The following PLEKHA4 variants were observed in gnomAD, a reference collection of about 807,000 sequenced individuals.
The protein encoded by PLEKHA4 is pleckstrin homology domain containing A4.
Under a neutral mutation model 94.7 loss-of-function variants are expected in PLEKHA4, and 73 were observed. The ratio of observed to expected loss-of-function variants is 0.77; its 90% CI spans 0.64 to 0.94. PLEKHA4 has a LOEUF of 0.94. Ranked by LOEUF, PLEKHA4 falls within the 40% of genes least tolerant of loss-of-function variation. The pLI is 0.00. For missense variants in PLEKHA4, 1,049 were observed against 1,054.1 expected (o/e 1.00, Z 0.07); for synonymous variants, 449 against 437.1 (o/e 1.03, Z -0.34).
intron 16 of PLEKHA4, among the ~76,000 whole-genome samples, chr19:48,844,119 T>TTTTTTA (rs368698787): frequency 9.6e-5 from 13 of 134,880 alleles, no homozygotes; most frequent in African/African-American, 3.1e-4. Flanking sequence ...CCTTATTTAT[T>TTTTTTA]TTATTATTAT....
chr19:48,863,253 GTTTGT>G (rs897936926), intron 3 of PLEKHA4, among the ~76,000 whole-genome samples: 24 of 152,092 alleles, frequency 1.6e-4, no homozygotes, highest in African/African-American at 5.1e-4. Flanking sequence ...TTTTTTGTTT[GTTTGT>G]TTTGTTTTGT....
chr19:48,845,667 T>C, intron 14 of PLEKHA4, 51 bp from the exon 15 acceptor site: 1 of 1,341,004 alleles, frequency 7.5e-7, no homozygotes, highest in Non-Finnish European at 1.0e-6. Flanking sequence ...ATAATTATTA[T>C]TATTACCATG....
intron 3 of PLEKHA4, among the ~76,000 whole-genome samples, chr19:48,863,901 T>G (rs1049158075): frequency 6.6e-6 from 1 of 152,150 alleles, no homozygotes; most frequent in African/African-American, 2.4e-5. Flanking sequence ...AGTTTTGAGT[T>G]TGAAGGTGCA....
rs1315781966 is a variant in PLEKHA4, at chr19:48,854,305, C to T, written c.1048-41G>A. ...AAAGTCAGGGGTCAAAGGGGACAGG[C>T]TGGTCATTCTTGTAACTCAGTGCTG... On this transcript the variant is annotated intron_variant, in intron 9 of 19. Coordinates refer to ENST00000263265, the MANE Select transcript of PLEKHA4 (RefSeq NM_020904.3). 18 of 1,579,972 alleles carry T rather than the reference C, an allele frequency of 1.1e-5. No homozygotes were observed. In the East Asian group the frequency reaches 4.0e-4, roughly 35 times the overall value.
In PLEKHA4 at chr19:48,860,410, T is replaced by C; in HGVS notation, c.416A>G (p.Glu139Gly). 3 of 1,614,080 alleles carry C rather than the reference T, an allele frequency of 1.9e-6. No individual in the cohort carries two copies. The highest frequency in any genetic ancestry group is 1.3e-5 in the African/African-American group (1 of 75,034). The change falls in exon 6 of 20, where the codon GAA becomes GGA. Residue 139 changes from glutamate to glycine, a missense_variant. Coordinates refer to ENST00000263265, the MANE Select transcript of PLEKHA4 (RefSeq NM_020904.3). ...RTYVLAADTLEDLRGWLRALG... is the reference protein window; with the variant it reads ...RTYVLAADTLGDLRGWLRALG... ...CGCCCGTAGCCAGCCCCGCAGGTCTTCTAAGGTGTCAGCGGCCAAAACGTA... is the reference window on the plus strand; with the variant it reads ...CGCCCGTAGCCAGCCCCGCAGGTCTCCTAAGGTGTCAGCGGCCAAAACGTA...
At chr19:48,848,805 A>G (rs1215598937) in intron 13 of PLEKHA4, among the ~76,000 whole-genome samples, 3 of 152,068 alleles carry the variant, frequency 2.0e-5, no homozygotes, top group Non-Finnish European at 2.9e-5. Context: ...TCAAAAAAAA[A>G]AAAAAGAAAA....
Position 48,837,488 on chromosome 19 carries a change from G to T in PLEKHA4, c.2141C>A (p.Thr714Lys). The T allele has an allele frequency of 1.9e-6, 3 of 1,612,912 alleles. No homozygotes were observed. The highest frequency in any genetic ancestry group is 2.5e-6 in the Non-Finnish European group (3 of 1,179,570). ...PGVPLPPSDP[T>K]RQETPPPRSP... ...TCTGGGGGGAGGGGTCTCCTGGCGC[G>T]TGGGGTCCGAAGGAGGCAGCGGCAC... Residue 714 changes from threonine (T) to lysine (K), a missense_variant, in exon 20 of 20, where the codon ACG becomes AAG. By Grantham distance (78) the Thr-to-Lys change is moderately conservative. Transcript: ENST00000263265. The surrounding 1 kb of genome is among the most constrained non-coding windows in gnomAD (Gnocchi z 4.3).
chr19:48,855,375 G>A (rs371693108), intron 9 of PLEKHA4, among the ~76,000 whole-genome samples: 19 of 151,750 alleles, frequency 1.3e-4, no homozygotes, highest in Non-Finnish European at 2.2e-4. Context: ...AGGCCGAGGC[G>A]GGTGGATCAC....
chr19:48,861,429 G>C lies in PLEKHA4; in HGVS notation c.338C>G (p.Ala113Gly), dbSNP rs745901741. Reference sequence around the variant, plus strand: ...GAAGGTGAAGCGCCGCCCTCGGGGGGCTCCCGGCCCATCTGGTCTAATATT... The same window carrying C: ...GAAGGTGAAGCGCCGCCCTCGGGGGCCTCCCGGCCCATCTGGTCTAATATT... ...SYNIRPDGPGAPRGRRFTFTA... is the reference protein window; with the variant it reads ...SYNIRPDGPGGPRGRRFTFTA... Residue 113 changes from alanine to glycine, a missense_variant, in exon 5 of 20, where the codon GCC becomes GGC. Ala to Gly is a moderately conservative substitution (Grantham distance 60, BLOSUM62 0). Transcript: ENST00000263265. 1 of 1,613,926 alleles carries C rather than the reference G, an allele frequency of 6.2e-7. No homozygotes were observed. The highest frequency in any genetic ancestry group is 8.5e-7 in the Non-Finnish European group (1 of 1,180,038).
intron 13 of PLEKHA4, among the ~76,000 whole-genome samples, chr19:48,851,608 C>A (rs2036191557): frequency 6.6e-6 from 1 of 151,188 alleles, no homozygotes; most frequent in African/African-American, 2.4e-5. Context: ...AAGAGTAAAA[C>A]TCTGTCCCCC....
chr19:48,855,774 G>T lies in PLEKHA4; in HGVS notation c.1048-1510C>A, dbSNP rs528764878. On this transcript the variant is annotated intron_variant, in intron 9 of 19. Transcript: ENST00000263265. ...ACTGCACTCCAGCCTGGGTGACAGA[G>T]TGAGACTCTGTCTCAAGAAAATAAA... Among the ~76,000 whole-genome samples, 14 of 151,208 alleles carry T rather than the reference G, an allele frequency of 9.3e-5. No homozygotes were observed. In the South Asian group the frequency reaches 2.9e-3, roughly 32 times the overall value.
At chr19:48,839,079 TAAGCATCTCTAG>T (rs1314392939) in intron 18 of PLEKHA4, 114 bp downstream of exon 18, 5 of 513,848 alleles carry the variant, frequency 9.7e-6, no homozygotes, top group Non-Finnish European at 1.7e-5. Context: ...CCCGGGAACT[TAAGCATCTCTAG>T]AAGGGTTGCG....
At position 48,867,953 on chromosome 19, in the gene PLEKHA4, C is replaced by T; in HGVS notation, c.-7+130G>A. 3.6e-6 allele frequency: 1 copy of T among 279,896 alleles called. No individual in the cohort carries two copies. 17.3% of individuals were successfully genotyped at this position (279,896 alleles called of 1,614,324 possible). On this transcript the variant is annotated intron_variant, in intron 1 of 19. Coordinates refer to ENST00000263265, the MANE Select transcript of PLEKHA4 (RefSeq NM_020904.3). This position sits in a 1 kb window ranked among gnomAD's most constrained non-coding sequence, Gnocchi z 4.7. The stretch of plus-strand genomic sequence containing the variant: ...CCCATTCCCTGCCTCCTTCCGGCTG[C>T]CCCAGGCTACCTGTCTCCCGCCCTC...
Position 48,859,625 on chromosome 19 carries a change from C to A in PLEKHA4, c.536G>T (p.Gly179Val). ...QPGEGPGGPG[G>V]PPEVSRGEEG... Reference sequence around the variant, plus strand: ...TTCCCCTCTGCTCACCTCCGGGGGACCACCGGGGCCGCCGGGGCCCTCCCC... The same window carrying A: ...TTCCCCTCTGCTCACCTCCGGGGGAACACCGGGGCCGCCGGGGCCCTCCCC... The change falls in exon 7 of 20, where the codon GGT becomes GTT. Residue 179 changes from glycine (G) to valine (V), a missense_variant. Coordinates refer to ENST00000263265, the MANE Select transcript of PLEKHA4 (RefSeq NM_020904.3). 1.2e-6 allele frequency: 2 copies of A among 1,612,912 alleles called. No homozygotes were observed. The highest frequency in any genetic ancestry group is 1.7e-4 in the Middle Eastern group (1 of 5,980).
rs776587250 is a variant in PLEKHA4, at chr19:48,848,008, C to T, written c.1458G>A (p.Met486Ile). ...DRVSAQQQLW[M>I]VEDTLAGLGG... ...CCAGACCTGCCAGCGTGTCTTCCAC[C>T]ATCCACAGCTGCTGCTGAGCAGACA... The change falls in exon 14 of 20, where the codon ATG (methionine) becomes ATA (isoleucine). Residue 486 changes from methionine to isoleucine, a missense_variant. Coordinates refer to ENST00000263265, the MANE Select transcript of PLEKHA4 (RefSeq NM_020904.3). 2 of 1,613,746 alleles carry T rather than the reference C, an allele frequency of 1.2e-6. No homozygotes were observed. The highest frequency in any genetic ancestry group is 1.7e-6 in the Non-Finnish European group (2 of 1,179,960).
At chr19:48,840,351 G>GT (rs1251052085) in intron 17 of PLEKHA4, among the ~76,000 whole-genome samples, 2 of 151,388 alleles carry the variant, frequency 1.3e-5, no homozygotes, top group African/African-American at 4.9e-5. Flanking sequence ...GGAGGTGGAG[G>GT]TTGCAGTGAG....
At chr19:48,865,403 G>T in intron 3 of PLEKHA4, 100 bp downstream of exon 3, 1 of 756,434 alleles carries the variant, frequency 1.3e-6, no homozygotes, top group Non-Finnish European at 2.2e-6. Context: ...GGCAGTGATA[G>T]CAAGAAAAAG....
intron 13 of PLEKHA4, among the ~76,000 whole-genome samples, chr19:48,848,883 C>T (rs780433028): frequency 9.2e-5 from 14 of 151,882 alleles, no homozygotes; most frequent in Non-Finnish European, 1.6e-4. Context: ...GGTGACCATA[C>T]GAATATGAGA....
intron 3 of PLEKHA4, among the ~76,000 whole-genome samples, chr19:48,862,485 G>A (rs570223112): frequency 2.0e-5 from 3 of 151,824 alleles, no homozygotes; most frequent in African/African-American, 7.3e-5. Flanking sequence ...ACAGGCGTGA[G>A]CCACTGCGTC....
Sources: allele counts gnomAD v4.1 joint callset (sites outside exome capture counted in the v4.1 genomes callset), GRCh38; gene constraint gnomAD v4.1.1; non-coding constraint Gnocchi (gnomAD v3.1); transcripts MANE v1.5; gene names NCBI Gene and HGNC (gene_info 2026-07-23, HGNC 2026-07-21).